Variants in CCDC171 observed in about 807,000 individuals in gnomAD.
CCDC171 encodes the protein coiled-coil domain-containing protein 171.
In CCDC171, 177 loss-of-function variants were observed where a neutral mutation model predicts 168.2. That is an observed-to-expected ratio of 1.05 (90% confidence interval 0.93 to 1.19). CCDC171 has a LOEUF of 1.19. Among genes scored for constraint, CCDC171 ranks in the 50% most tolerant of loss-of-function variants. CCDC171 has a pLI of 0.00. For synonymous variants in CCDC171, 687 were observed against 540.8 expected, an observed-to-expected ratio of 1.27 and a Z score of -3.75; for missense variants, 1,991 against 1,539.0, an observed-to-expected ratio of 1.29 and a Z score of -4.91.
intron 5 of CCDC171, 49 bp downstream of exon 5, chr9:15,591,605 G>C (rs900341006): frequency 9.6e-7 from 1 of 1,043,070 alleles, no homozygotes; most frequent in Admixed American, 2.3e-5. Context: ...TATTCACCGA[G>C]ATGTGTTGTA....
chr9:16,095,899 T>TATATATATATATATATATATACAC, the CCDC171 span, among the ~76,000 whole-genome samples: 22 of 140,202 alleles, frequency 1.6e-4, no homozygotes, highest in African/African-American at 5.4e-4. Context: ...TATATATATA[T>TATATATATATATATATATATACAC]ACTGCCTCCA....
the CCDC171 span, among the ~76,000 whole-genome samples, chr9:16,084,027 T>G: frequency 6.6e-6 from 1 of 152,236 alleles, no homozygotes; most frequent in African/African-American, 2.4e-5. Flanking sequence ...CTACTTGAGT[T>G]ACTCTGCTCT....
At chr9:15,566,572 A>G (rs190906786) in intron 2 of CCDC171, among the ~76,000 whole-genome samples, 48 of 152,346 alleles carry the variant, frequency 3.2e-4, no homozygotes, top group Middle Eastern at 6.8e-3. Context: ...AACAACAACA[A>G]CAAAAAATAA....
intron 18 of CCDC171, among the ~76,000 whole-genome samples, chr9:15,765,023 T>C (rs1421631494): frequency 6.6e-6 from 1 of 152,296 alleles, no homozygotes; most frequent in East Asian, 1.9e-4. Flanking sequence ...ATGGTAACCT[T>C]TAAGCCAAAT....
chr9:15,809,802 G>C (rs1445306788), intron 21 of CCDC171, among the ~76,000 whole-genome samples: 2 of 152,200 alleles, frequency 1.3e-5, no homozygotes, highest in African/African-American at 2.4e-5. Flanking sequence ...CAATGTGGAA[G>C]AGGACCCGAA....
chr9:15,982,354 C>T (rs1172424546), intron 3 of CCDC171, among the ~76,000 whole-genome samples: 2 of 152,172 alleles, frequency 1.3e-5, no homozygotes, highest in East Asian at 1.9e-4. Flanking sequence ...TCGTGAACCT[C>T]AGATTCCTCT....
intron 24 of CCDC171, among the ~76,000 whole-genome samples, chr9:15,907,911 T>C (rs1412109530): frequency 6.6e-6 from 1 of 152,264 alleles, no homozygotes; most frequent in East Asian, 1.9e-4. Context: ...AAAATGCTCA[T>C]CATCACTGGC....
intron 21 of CCDC171, among the ~76,000 whole-genome samples, chr9:15,790,968 G>C (rs371277426): frequency 1.3e-5 from 2 of 152,198 alleles, no homozygotes; most frequent in South Asian, 4.2e-4. Context: ...CTCTGTTTTG[G>C]TACCAGTACC....
rs1263382523 is a variant in CCDC171 at position 15,821,430 on chromosome 9, A to C, written c.3268-25272A>C. Among the ~76,000 whole-genome samples the C allele has an allele frequency of 1.7e-5, 2 of 117,504 alleles. 1 individual carries two copies. The highest frequency in any genetic ancestry group is 3.8e-5 in the Non-Finnish European group (2 of 52,360). 77.1% of individuals were successfully genotyped at this position (117,504 alleles called of 152,430 possible). On this transcript the variant is annotated intron_variant, in intron 21 of 25. Transcript: ENST00000380701. The stretch of plus-strand genomic sequence containing the variant: ...TTGCAGATCACATGATTGTATATCT[A>C]GAAAACCCCATCGTCTCAGCCCAAA...
intron 3 of CCDC171, among the ~76,000 whole-genome samples, chr9:15,577,167 A>C (rs1467794863): frequency 6.6e-6 from 1 of 152,204 alleles, no homozygotes. Context: ...TTAGATTTCC[A>C]GGTTTGTTCA....
intron 25 of CCDC171, among the ~76,000 whole-genome samples, chr9:15,923,896 A>T (rs1459326570): frequency 4.0e-5 from 6 of 151,294 alleles, no homozygotes; most frequent in African/African-American, 1.5e-4. Flanking sequence ...TTGTCATAAG[A>T]TTGCAGCCCA....
intron 3 of CCDC171, among the ~76,000 whole-genome samples, chr9:16,007,466 G>T (rs1408148510): frequency 6.6e-6 from 1 of 152,140 alleles, no homozygotes; most frequent in Non-Finnish European, 1.5e-5. Context: ...TTTGGCTTTT[G>T]TTGCCATTGC....
At chr9:15,908,219 G>T (rs576805524) in intron 24 of CCDC171, among the ~76,000 whole-genome samples, 6 of 152,172 alleles carry the variant, frequency 3.9e-5, no homozygotes, top group South Asian at 2.1e-4. Context: ...TGTTTATTGT[G>T]GCACTATTCA....
At chr9:15,897,726 C>T (rs967329467) in intron 24 of CCDC171, among the ~76,000 whole-genome samples, 23 of 152,072 alleles carry the variant, frequency 1.5e-4, no homozygotes, top group African/African-American at 5.3e-4. Flanking sequence ...AATATGGATT[C>T]AATTGTTGTT....
At position 15,594,120 on chromosome 9, in the gene CCDC171, T is replaced by C; in HGVS notation, c.623T>C (p.Leu208Ser). Residue 208 changes from leucine (L) to serine (S), a missense_variant, in exon 6 of 26, where the codon TTA becomes TCA. Physicochemically the swap from Leu to Ser is moderately radical, Grantham distance 145 (BLOSUM62 -2). Coordinates refer to ENST00000380701, the MANE Select transcript of CCDC171 (RefSeq NM_173550.4). ...GAGACAGCATTGGAGGAGTTTAGATTACAAGAAGAACAATGGGAAGCAGAA... is the reference window on the plus strand; with the variant it reads ...GAGACAGCATTGGAGGAGTTTAGATCACAAGAAGAACAATGGGAAGCAGAA... ...IRETALEEFR[L>S]QEEQWEAERR... 6.6e-7 allele frequency: 1 copy of C among 1,517,224 alleles called. No homozygotes were observed. The highest frequency in any genetic ancestry group is 1.1e-5 in the South Asian group (1 of 87,430). The allele number at this position is 1,517,224 out of a possible 1,614,324, so 94.0% of individuals were successfully genotyped here. A position where few individuals can be genotyped will look rare whatever the true frequency, so the allele number is the denominator to read the frequency against.
intron 21 of CCDC171, among the ~76,000 whole-genome samples, chr9:15,788,540 A>T (rs1396223851): frequency 1.3e-5 from 2 of 151,890 alleles, no homozygotes; most frequent in Non-Finnish European, 2.9e-5. Flanking sequence ...ATAATCTGAA[A>T]GCAATCACTT....
chr9:15,920,576 T>C (rs937474973), intron 25 of CCDC171, among the ~76,000 whole-genome samples, 154 bp downstream of exon 25: 2 of 151,680 alleles, frequency 1.3e-5, no homozygotes, highest in African/African-American at 4.8e-5. Flanking sequence ...TGGAGAAAAA[T>C]TTGAAAGAAG....
chr9:15,853,351 A>C (rs1588857502), intron 23 of CCDC171, among the ~76,000 whole-genome samples: 1 of 151,686 alleles, frequency 6.6e-6, no homozygotes, highest in Non-Finnish European at 1.5e-5. Context: ...TTTTAAATGG[A>C]ACTGTTTTCT....
intron 6 of CCDC171, among the ~76,000 whole-genome samples, chr9:15,604,509 C>G (rs556569824): frequency 2.0e-5 from 3 of 152,078 alleles, no homozygotes; most frequent in Non-Finnish European, 2.9e-5. Context: ...ATACCTCAAC[C>G]AGGGAATACA....
Sources: allele counts gnomAD v4.1 joint callset (sites outside exome capture counted in the v4.1 genomes callset), GRCh38; gene constraint gnomAD v4.1.1; transcripts MANE v1.5; gene names NCBI Gene and HGNC (gene_info 2026-07-23, HGNC 2026-07-21).